TPRG1: variants seen among roughly 807,000 people sequenced by gnomAD.
The protein encoded by TPRG1 is tumor protein p63-regulated gene 1 protein.
A neutral mutation model predicts 29.3 loss-of-function variants in TPRG1; 29 were observed. That is an observed-to-expected ratio of 0.99 (90% CI 0.74 to 1.35). The LOEUF (loss-of-function observed/expected upper bound fraction) is 1.35, where lower values mean the gene tolerates loss of function less well. Among genes scored for constraint, TPRG1 ranks in the 40% most tolerant of loss-of-function variants. The pLI is 0.00. For missense variants in TPRG1, 327 were observed against 335.0 expected, an observed-to-expected ratio of 0.98 and a Z score of 0.19; for synonymous variants, 130 against 116.8, an observed-to-expected ratio of 1.11 and a Z score of -0.73.
At chr3:189,309,494 C>T (rs559858654) in intron 4 of TPRG1, among the ~76,000 whole-genome samples, 2 of 152,224 alleles carry the variant, frequency 1.3e-5, no homozygotes, top group Admixed American at 1.3e-4. Context: ...CCAAGCTTGT[C>T]GAATGCAGGG....
rs375336593 is a variant in TPRG1 at position 189,289,821 on chromosome 3, C to G, written c.480-20565C>G. Among the ~76,000 whole-genome samples the G allele has an allele frequency of 2.6e-5, 4 of 152,262 alleles. No homozygotes were observed. The East Asian group carries it at 5.8e-4, about 22-fold the overall frequency. Reference sequence around the variant, plus strand: ...TTTGCTCAGATTTTTGCCCACGATGCTCTATTATCTACTTATGCTTTATAA... The same window carrying G: ...TTTGCTCAGATTTTTGCCCACGATGGTCTATTATCTACTTATGCTTTATAA... On this transcript the variant is annotated intron_variant, in intron 4 of 5. Coordinates refer to ENST00000345063, the MANE Select transcript of TPRG1 (RefSeq NM_198485.4).
intron 1 of TPRG1, among the ~76,000 whole-genome samples, chr3:189,179,319 G>T (rs1478490639): frequency 6.6e-6 from 1 of 152,118 alleles, no homozygotes; most frequent in Non-Finnish European, 1.5e-5. Context: ...GGAAAGCTTT[G>T]CACACCATTT....
At position 189,154,511 on chromosome 3, in the gene TPRG1, G is replaced by A. The variant is rs566570773; in HGVS notation, c.-10+3639G>A. 2.3e-3 allele frequency among the ~76,000 whole-genome samples: 347 copies of A among 151,100 alleles called. 1 individual carries two copies. Among genetic ancestry groups the A allele is most frequent in the African/African-American group, 8.2e-3 (334 of 40,902 alleles). On this transcript the variant is annotated intron_variant, in intron 5 of 6. Transcript: ENST00000412373. ...GGCTGGAGTGCAATGGTGCGATCTCGGCTCACTGCAACCTCCACCTCCCAG... is the reference window on the plus strand; with the variant it reads ...GGCTGGAGTGCAATGGTGCGATCTCAGCTCACTGCAACCTCCACCTCCCAG...
chr3:189,241,622 C>G (rs1740613104), intron 4 of TPRG1, among the ~76,000 whole-genome samples: 1 of 151,996 alleles, frequency 6.6e-6, no homozygotes, highest in Non-Finnish European at 1.5e-5. Context: ...TTGGTTGTGT[C>G]CCCACCAAAA....
At position 189,207,548 on chromosome 3, in the gene TPRG1, A is replaced by C. The variant is rs1274847923; in HGVS notation, c.164A>C (p.Asn55Thr). The change falls in exon 2 of 6, where the codon AAT becomes ACT. Residue 55 changes from asparagine (N) to threonine (T), a missense_variant. Coordinates refer to ENST00000345063, the MANE Select transcript of TPRG1 (RefSeq NM_198485.4). ...GTGACCGAATCAACTCTTTACCCCA[A>C]TCCTTATCATCAGCCTTATATCTCA... is the stretch of plus-strand genomic sequence containing the variant. ...SSVTESTLYP[N>T]PYHQPYISRK... The C allele has an allele frequency of 5.0e-6, 8 of 1,613,834 alleles. No homozygotes were observed. The Admixed American group carries it at 1.0e-4, about 20-fold the overall frequency.
chr3:189,237,454 T>C (rs961570501), intron 3 of TPRG1, among the ~76,000 whole-genome samples: 10 of 152,202 alleles, frequency 6.6e-5, no homozygotes, highest in African/African-American at 2.4e-4. Context: ...TCATTTCTTC[T>C]TACAAACTGT....
chr3:189,114,857 C>A (rs927396869), intron 1 of TPRG1, among the ~76,000 whole-genome samples: 22 of 152,270 alleles, frequency 1.4e-4, no homozygotes, highest in African/African-American at 5.3e-4. Flanking sequence ...TCAGTTATAG[C>A]CCTGAGGGAT....
chr3:189,053,775 G>A (rs1228376638), intron 4 of TPRG1, among the ~76,000 whole-genome samples: 2 of 152,064 alleles, frequency 1.3e-5, no homozygotes, highest in South Asian at 2.1e-4. Context: ...CTGGTGTTTT[G>A]GTAACAAAGA....
chr3:189,002,532 G>C (rs1712081550), intron 2 of TPRG1, among the ~76,000 whole-genome samples: 1 of 152,058 alleles, frequency 6.6e-6, no homozygotes, highest in East Asian at 1.9e-4. Context: ...CTGGCCATTG[G>C]ACAGATTCCA....
At chr3:189,020,195 T>C (rs1352087714) in intron 3 of TPRG1, among the ~76,000 whole-genome samples, 1 of 150,798 alleles carries the variant, frequency 6.6e-6, no homozygotes, top group South Asian at 2.1e-4. Flanking sequence ...CCTGGATTCA[T>C]TAATTTTTTG....
intron 2 of TPRG1, among the ~76,000 whole-genome samples, chr3:189,128,648 G>A (rs187569826): frequency 1.2e-4 from 19 of 152,258 alleles, no homozygotes; most frequent in African/African-American, 4.3e-4. Flanking sequence ...TCAACAAAAT[G>A]TTGGTACTAT....
At chr3:189,206,101 CTTCT>C (rs983353893) in intron 1 of TPRG1, among the ~76,000 whole-genome samples, 33 of 109,850 alleles carry the variant, frequency 3.0e-4, no homozygotes, top group Non-Finnish European at 6.4e-4. Context: ...TCTTTCTTTC[CTTCT>C]TTCTTTCTTC....
At chr3:189,254,629 G>C (rs750669113) in intron 4 of TPRG1, among the ~76,000 whole-genome samples, 2 of 152,102 alleles carry the variant, frequency 1.3e-5, no homozygotes, top group Admixed American at 1.3e-4. Context: ...CCATTTTCAC[G>C]ATATTGATTC....
intron 1 of TPRG1, among the ~76,000 whole-genome samples, chr3:189,114,876 T>A (rs1720987722): frequency 6.6e-6 from 1 of 152,188 alleles, no homozygotes; most frequent in Admixed American, 6.5e-5. Context: ...ATGGCAAGAC[T>A]CAGAAAATCT....
At chr3:189,072,630 TTC>T (rs1716879257) in intron 4 of TPRG1, among the ~76,000 whole-genome samples, 1 of 152,152 alleles carries the variant, frequency 6.6e-6, no homozygotes, top group Non-Finnish European at 1.5e-5. Flanking sequence ...CTCCACTTTT[TTC>T]TTTTTTCTTT....
chr3:189,157,428 G>A (rs1460610672), intron 5 of TPRG1, among the ~76,000 whole-genome samples: 2 of 152,088 alleles, frequency 1.3e-5, no homozygotes, highest in African/African-American at 2.4e-5. Flanking sequence ...GGCTCCATTC[G>A]ACAGAGTCCA....
At chr3:189,061,642 C>T (rs1160456854) in intron 4 of TPRG1, among the ~76,000 whole-genome samples, 11 of 152,130 alleles carry the variant, frequency 7.2e-5, no homozygotes, top group Admixed American at 7.2e-4. Flanking sequence ...TGAACAGACA[C>T]TTTTCAAGAG....
At chr3:189,076,058 T>C (rs945492491) in intron 4 of TPRG1, among the ~76,000 whole-genome samples, 82 of 152,302 alleles carry the variant, frequency 5.4e-4, no homozygotes, top group African/African-American at 1.9e-3. Context: ...AATATTAAGA[T>C]GAAACGACTT....
chr3:189,031,110 G>A (rs937706002), intron 4 of TPRG1, among the ~76,000 whole-genome samples: 5 of 151,988 alleles, frequency 3.3e-5, no homozygotes, highest in Admixed American at 6.6e-5. Flanking sequence ...GAGAAACCCC[G>A]TCTCTACTAA....
Sources: allele counts gnomAD v4.1 joint callset (sites outside exome capture counted in the v4.1 genomes callset), GRCh38; gene constraint gnomAD v4.1.1; transcripts MANE v1.5; gene names NCBI Gene and HGNC (gene_info 2026-07-23, HGNC 2026-07-21).